Variants in RIPOR2 observed in about 807,000 individuals in gnomAD.
The protein encoded by RIPOR2 is RHO family interacting cell polarization regulator 2.
In RIPOR2, 39 loss-of-function variants were observed where a neutral mutation model predicts 114.5. That is an observed-to-expected ratio of 0.34 (90% CI 0.26 to 0.44). The LOEUF is 0.44. RIPOR2 is among the 20% of genes least tolerant of loss of function. The pLI is 1.00. For synonymous variants in RIPOR2, 445 were observed against 484.4 expected, an observed-to-expected ratio of 0.92 and a Z score of 1.07; for missense variants, 1,007 against 1,255.1, an observed-to-expected ratio of 0.80 and a Z score of 2.99.
chr6:24,843,252 T>G lies in RIPOR2; in HGVS notation c.1467A>C (p.Lys489Asn), dbSNP rs1167267300. 6.2e-7 allele frequency: 1 copy of G among 1,613,818 alleles called. No individual in the cohort carries two copies. The highest frequency in any genetic ancestry group is 8.5e-7 in the Non-Finnish European group (1 of 1,179,850). ...LKEEDPEEPR[K>N]PASAPSEACR... ...AAGCCTCAGATGGGGCCGAGGCAGG[T>G]TTTCTGGGCTCCTCTGGGTCTTCCT... The change falls in exon 13 of 22, where the codon AAA (lysine) becomes AAC (asparagine). Residue 489 changes from lysine to asparagine, a missense_variant. Coordinates refer to ENST00000643898, the MANE Select transcript of RIPOR2 (RefSeq NM_001286445.3).
chr6:24,850,750 A>C, intron 9 of RIPOR2, 28 bp from the exon 10 acceptor site: 2 of 1,612,490 alleles, frequency 1.2e-6, no homozygotes, highest in Non-Finnish European at 1.7e-6. Context: ...AAGGGCCTTC[A>C]TGTCTTGCCA....
intron 1 of RIPOR2, among the ~76,000 whole-genome samples, chr6:24,979,487 T>C (rs776468913): frequency 6.6e-6 from 1 of 152,152 alleles, no homozygotes; most frequent in Non-Finnish European, 1.5e-5. Context: ...CTGATAGAAT[T>C]AATATGAATT....
At chr6:24,890,996 G>A (rs531612728) in intron 1 of RIPOR2, among the ~76,000 whole-genome samples, 8 of 152,086 alleles carry the variant, frequency 5.3e-5, no homozygotes, top group Non-Finnish European at 1.2e-4. Context: ...AATCTGTGCT[G>A]TTTTGTATAA....
At chr6:24,848,782 T>A (rs796691283) in intron 11 of RIPOR2, among the ~76,000 whole-genome samples, 10 of 152,246 alleles carry the variant, frequency 6.6e-5, no homozygotes, top group African/African-American at 2.4e-4. Context: ...AGCAAGAGTG[T>A]CTTTGCTGCT....
At chr6:24,958,094 T>A (rs148929578) in intron 1 of RIPOR2, among the ~76,000 whole-genome samples, 3 of 152,250 alleles carry the variant, frequency 2.0e-5, no homozygotes, top group African/African-American at 7.2e-5. Context: ...AGATGTGTTA[T>A]TTAGGCAAAA....
intron 1 of RIPOR2, among the ~76,000 whole-genome samples, chr6:25,039,894 T>C (rs553312627): frequency 1.9e-4 from 29 of 152,214 alleles, no homozygotes; most frequent in Non-Finnish European, 3.4e-4. Flanking sequence ...AAGAAGTATT[T>C]TGCTTGATGC....
At chr6:24,873,597 C>A in intron 3 of RIPOR2, 47 bp downstream of exon 3, 2 of 1,556,346 alleles carry the variant, frequency 1.3e-6, no homozygotes, top group Non-Finnish European at 1.7e-6. Context: ...TTTTCTCTGA[C>A]CCCTTGGGTC....
chr6:24,847,606 C>T lies in RIPOR2; in HGVS notation c.1164+419G>A, dbSNP rs926187053. 2.2e-5 allele frequency: 34 copies of T among 1,551,550 alleles called. No individual in the cohort carries two copies. The East Asian group carries it at 5.1e-4, about 23-fold the overall frequency. On this transcript the variant is annotated intron_variant, in intron 12 of 21. Coordinates refer to ENST00000643898, the MANE Select transcript of RIPOR2 (RefSeq NM_001286445.3). ...GGGCAGGTCACTGAAGGAGCGGCTGCGGTGCAGCTTGGCAAAGAAAGTGTC... is the reference window on the plus strand; with the variant it reads ...GGGCAGGTCACTGAAGGAGCGGCTGTGGTGCAGCTTGGCAAAGAAAGTGTC...
chr6:24,836,125 T>C, intron 14 of RIPOR2: 2 of 464,154 alleles, frequency 4.3e-6, no homozygotes, highest in African/African-American at 3.9e-5. Flanking sequence ...GAACCACTTA[T>C]GAAGTAGTTT....
At chr6:24,951,528 C>CT (rs1279600127) in intron 1 of RIPOR2, among the ~76,000 whole-genome samples, 3 of 152,204 alleles carry the variant, frequency 2.0e-5, no homozygotes, top group Non-Finnish European at 4.4e-5. Flanking sequence ...AGCAACTGTG[C>CT]TTATAACAAT....
chr6:24,958,943 C>T (rs1182150011), intron 1 of RIPOR2, among the ~76,000 whole-genome samples: 1 of 83,876 alleles, frequency 1.2e-5, no homozygotes, highest in African/African-American at 4.9e-5. Context: ...TGCACCACTC[C>T]AAGCTCTACA....
chr6:25,008,565 A>G (rs1161451897), intron 1 of RIPOR2, among the ~76,000 whole-genome samples: 1 of 152,252 alleles, frequency 6.6e-6, no homozygotes, highest in Non-Finnish European at 1.5e-5. Flanking sequence ...CTTCTGGCCT[A>G]TAAGACTTGG....
At chr6:24,835,930 G>A (rs1363364019) in intron 14 of RIPOR2, 59 bp from the exon 15 acceptor site, 3 of 1,518,658 alleles carry the variant, frequency 2.0e-6, no homozygotes, top group Non-Finnish European at 2.7e-6. Flanking sequence ...CACAGGTCAA[G>A]TCCACATGGT....
chr6:24,830,453 C>G, intron 17 of RIPOR2, 56 bp downstream of exon 17: 1 of 1,471,640 alleles, frequency 6.8e-7, no homozygotes, highest in Non-Finnish European at 9.2e-7. Flanking sequence ...ACCCCCACCC[C>G]AATGCCCACT....
chr6:24,825,668 C>G (rs999297015), intron 18 of RIPOR2, among the ~76,000 whole-genome samples: 2 of 152,318 alleles, frequency 1.3e-5, no homozygotes, highest in Admixed American at 1.3e-4. Flanking sequence ...GGGTTTCTAT[C>G]TCATAATGGC....
chr6:24,990,496 T>C (rs1774761244), intron 1 of RIPOR2, among the ~76,000 whole-genome samples: 1 of 152,226 alleles, frequency 6.6e-6, no homozygotes, highest in African/African-American at 2.4e-5. Context: ...AGTCGTACCC[T>C]GGGGCTTCTG....
intron 1 of RIPOR2, among the ~76,000 whole-genome samples, chr6:25,010,521 A>T (rs1468054236): frequency 1.3e-5 from 2 of 152,198 alleles, no homozygotes; most frequent in Non-Finnish European, 2.9e-5. Context: ...AAACAAAATG[A>T]ACTGAGACAG....
intron 1 of RIPOR2, among the ~76,000 whole-genome samples, chr6:24,941,335 G>C (rs753895125): frequency 6.6e-6 from 1 of 151,764 alleles, no homozygotes; most frequent in Non-Finnish European, 1.5e-5. Context: ...ATGGGTTAAA[G>C]GTATGACTGC....
At chr6:24,829,381 G>A (rs972547188) in intron 17 of RIPOR2, among the ~76,000 whole-genome samples, 3 of 151,364 alleles carry the variant, frequency 2.0e-5, no homozygotes, top group South Asian at 2.1e-4. Context: ...CTGTAATTCC[G>A]GCACTTTGGG....
Sources: gnomAD v4.1 joint callset for allele counts (sites outside exome capture counted in the v4.1 genomes callset) on GRCh38, gnomAD v4.1.1 for gene constraint, MANE v1.5 for transcripts, NCBI Gene and HGNC (gene_info 2026-07-23, HGNC 2026-07-21) for gene names.